USP18: variants seen among roughly 807,000 people sequenced by gnomAD.
USP18 encodes ubiquitin specific peptidase 18.
A neutral mutation model predicts 48.7 loss-of-function variants in USP18; 11 were observed. The observed-to-expected ratio is 0.23, with a 90% confidence interval of 0.14 to 0.37. The LOEUF (loss-of-function observed/expected upper bound fraction) is 0.37, where lower values mean the gene tolerates loss of function less well. Among genes scored for constraint, USP18 ranks in the 10% least tolerant of loss-of-function variants. USP18 has a pLI of 1.00. For synonymous variants in USP18, 114 were observed against 163.2 expected, an observed-to-expected ratio of 0.70 and a Z score of 2.30; for missense variants, 285 against 436.4, an observed-to-expected ratio of 0.65 and a Z score of 3.09.
At chr22:18,167,697 CAAAAA>C (rs748332867) in intron 5 of USP18, among the ~76,000 whole-genome samples, 188 bp from the exon 6 acceptor site, 6 of 94,338 alleles carry the variant, frequency 6.4e-5, no homozygotes, top group African/African-American at 1.4e-4. Flanking sequence ...GACTCTGTCT[CAAAAA>C]AAAAAAAAAA....
intron 10 of USP18, among the ~76,000 whole-genome samples, chr22:18,174,413 G>T (rs1472976262): frequency 2.6e-5 from 4 of 151,680 alleles, no homozygotes; most frequent in South Asian, 2.1e-4. Flanking sequence ...TGTATTTTTA[G>T]TAGAGACGGT....
chr22:18,162,026 C>A, intron 4 of USP18, 91 bp downstream of exon 4: 1 of 1,470,834 alleles, frequency 6.8e-7, no homozygotes, highest in Admixed American at 2.6e-5. Flanking sequence ...GGCAGTGAAG[C>A]AACAAGAAGC....
At chr22:18,160,938 T>A (rs537689217) in intron 3 of USP18, among the ~76,000 whole-genome samples, 149 of 151,970 alleles carry the variant, frequency 9.8e-4, no homozygotes, top group African/African-American at 3.4e-3. Flanking sequence ...CCTGGCTAAT[T>A]TTTGTATGTT....
At chr22:18,174,282 G>A (rs1209957633) in intron 10 of USP18, among the ~76,000 whole-genome samples, 3 of 149,870 alleles carry the variant, frequency 2.0e-5, no homozygotes, top group Non-Finnish European at 4.4e-5. Context: ...CTGGAGTGTA[G>A]TGGCACAATC....
chr22:18,170,275 G>A lies in USP18; in HGVS notation c.723+336G>A, dbSNP rs557397077. Among the ~76,000 whole-genome samples, 62 of 152,036 alleles carry A rather than the reference G, an allele frequency of 4.1e-4. 1 individual carries two copies. The South Asian group carries it at 0.011, about 26-fold the overall frequency. On this transcript the variant is annotated intron_variant, in intron 7 of 10. Coordinates refer to ENST00000215794, the MANE Select transcript of USP18 (RefSeq NM_017414.4). ...CTTCACTAGTCTGGGGTTGCCCCCC[G>A]TGGATTTCCTGATAGAATCATCAGA...
intron 1 of USP18, among the ~76,000 whole-genome samples, chr22:18,154,718 G>A (rs1170083495): frequency 6.6e-6 from 1 of 152,148 alleles, no homozygotes; most frequent in Non-Finnish European, 1.5e-5. Context: ...TGGGATTACA[G>A]GCCTGAGCCA....
chr22:18,156,628 G>C (rs1427108556), intron 1 of USP18, among the ~76,000 whole-genome samples: 1 of 151,412 alleles, frequency 6.6e-6, no homozygotes, highest in Non-Finnish European at 1.5e-5. Flanking sequence ...AACCCACCGG[G>C]AGGAACGGAC....
intron 1 of USP18, among the ~76,000 whole-genome samples, chr22:18,155,193 G>A (rs2123726234): frequency 6.6e-6 from 1 of 152,370 alleles, no homozygotes; most frequent in South Asian, 2.1e-4. Flanking sequence ...AGGTAGTGAT[G>A]TGGGCCAGAT....
rs921166034 is a variant in USP18 at position 18,162,005 on chromosome 22, A to C, written c.400+70A>C. 2.6e-6 allele frequency: 4 copies of C among 1,521,898 alleles called. No homozygotes were observed. The African/African-American group carries it at 5.6e-5, about 21-fold the overall frequency. 94.3% of individuals were successfully genotyped at this position (1,521,898 alleles called of 1,614,324 possible). A position where few individuals can be genotyped will look rare whatever the true frequency, so the allele number is the denominator to read the frequency against. ...GATGGGAAGCTTAGAGAGTGAAGAG[A>C]GGAACTAACGGGCAGTGAAGCAACA... On this transcript the variant is annotated intron_variant, in intron 4 of 10. Transcript: ENST00000215794.
At chr22:18,168,810 C>T (rs989127910) in intron 6 of USP18, among the ~76,000 whole-genome samples, 2 of 152,186 alleles carry the variant, frequency 1.3e-5, no homozygotes, top group African/African-American at 4.8e-5. Context: ...GCCAATTCCC[C>T]CTTGCCTCTT....
At position 18,159,776 on chromosome 22, in the gene USP18, C is replaced by T. The variant is rs530926470; in HGVS notation, c.158-396C>T. Among the ~76,000 whole-genome samples the T allele has an allele frequency of 1.4e-4, 20 of 147,758 alleles. No homozygotes were observed. The East Asian group carries it at 3.8e-3, about 28-fold the overall frequency. ...CTGCAAGCTCCGCCTCCTGGGTTCA[C>T]ACCATTCTCCTGCCTCAGCCTCCTG... On this transcript the variant is annotated intron_variant, in intron 2 of 10. Coordinates refer to ENST00000215794, the MANE Select transcript of USP18 (RefSeq NM_017414.4).
At chr22:18,175,113 C>T (rs182494363) in intron 10 of USP18, among the ~76,000 whole-genome samples, 1 of 152,104 alleles carries the variant, frequency 6.6e-6, no homozygotes, top group Non-Finnish European at 1.5e-5. Flanking sequence ...TGGGGTTTCA[C>T]CGTGTTAGCC....
chr22:18,175,162 C>G (rs1002848585), intron 10 of USP18, among the ~76,000 whole-genome samples: 5 of 152,168 alleles, frequency 3.3e-5, no homozygotes, highest in Admixed American at 6.5e-5. Flanking sequence ...ATCCGCCCAC[C>G]TCGGCCTCTC....
At chr22:18,162,096 T>C (rs1456530760) in intron 4 of USP18, among the ~76,000 whole-genome samples, 161 bp downstream of exon 4, 1 of 152,102 alleles carries the variant, frequency 6.6e-6, no homozygotes, top group Non-Finnish European at 1.5e-5. Context: ...GCACACATCT[T>C]TGGAGGTGCA....
rs1157511989 is a variant in USP18, at chr22:18,157,581, A to G, written c.-83A>G. The G allele has an allele frequency of 2.9e-5, 45 of 1,576,142 alleles. No homozygotes were observed. The highest frequency in any genetic ancestry group is 3.8e-5 in the Non-Finnish European group (44 of 1,157,378). On this transcript the variant is annotated 5_prime_UTR_variant, in exon 2 of 11. Transcript: ENST00000215794. ...AGAGATTCCATCGTGCCTGGCTCAC[A>G]TAAGCGCTTCCTGGAAGTGAAGTCG...
intron 2 of USP18, among the ~76,000 whole-genome samples, chr22:18,159,785 C>T (rs1929274785): frequency 7.4e-6 from 1 of 135,116 alleles, no homozygotes; most frequent in Non-Finnish European, 1.5e-5. Flanking sequence ...ACACCATTCT[C>T]CTGCCTCAGC....
At chr22:18,166,999 G>A (rs1257031349) in intron 4 of USP18, among the ~76,000 whole-genome samples, 2 of 151,976 alleles carry the variant, frequency 1.3e-5, no homozygotes, top group African/African-American at 2.4e-5. Flanking sequence ...TTGGCCTCCC[G>A]AAGTGTTAAG....
chr22:18,165,751 C>G (rs1380637256), intron 4 of USP18, among the ~76,000 whole-genome samples: 5 of 150,724 alleles, frequency 3.3e-5, no homozygotes, highest in Non-Finnish European at 7.4e-5. Context: ...GGCTTCGAAA[C>G]TTCCACCCTC....
intron 10 of USP18, among the ~76,000 whole-genome samples, chr22:18,174,927 G>GTTTC (rs1262161106): frequency 6.7e-6 from 1 of 150,108 alleles, no homozygotes; most frequent in African/African-American, 2.5e-5. Context: ...TTGTTTGTTT[G>GTTTC]TTTTGAGATG....
Sources: gnomAD v4.1 joint callset for allele counts (sites outside exome capture counted in the v4.1 genomes callset) on GRCh38, gnomAD v4.1.1 for gene constraint, MANE v1.5 for transcripts, NCBI Gene and HGNC (gene_info 2026-07-23, HGNC 2026-07-21) for gene names.